Variants in SOBP observed in about 807,000 individuals in gnomAD.
The protein encoded by SOBP is sine oculis-binding protein homolog.
SOBP carries 4 observed loss-of-function variants against 53.6 expected under a neutral mutation model. The ratio of observed to expected loss-of-function variants is 0.07; its 90% CI spans 0.04 to 0.17. The LOEUF is 0.17. SOBP is among the 10% of genes least tolerant of loss of function. The probability of loss-of-function intolerance (pLI) is 1.00; values close to 1 mark genes in which losing one functional copy is unlikely to be tolerated. For missense variants in SOBP, 1,088 were observed against 1,204.7 expected, an observed-to-expected ratio of 0.90 and a Z score of 1.43; for synonymous variants, 584 against 522.6, an observed-to-expected ratio of 1.12 and a Z score of -1.60.
At chr6:107,578,943 A>G (rs1368704415) in intron 4 of SOBP, among the ~76,000 whole-genome samples, 1 of 152,144 alleles carries the variant, frequency 6.6e-6, no homozygotes, top group Admixed American at 6.5e-5. Context: ...AGATCTGCAT[A>G]TAATCATATG....
intron 4 of SOBP, among the ~76,000 whole-genome samples, chr6:107,567,490 G>C (rs1323151274): frequency 5.9e-5 from 9 of 152,300 alleles, no homozygotes; most frequent in African/African-American, 1.9e-4. Flanking sequence ...TAACCAGGCA[G>C]AAAATTCCTT....
intron 5 of SOBP, among the ~76,000 whole-genome samples, chr6:107,589,192 A>G (rs1235675332): frequency 6.6e-6 from 1 of 152,178 alleles, no homozygotes; most frequent in Non-Finnish European, 1.5e-5. Flanking sequence ...ATCTTCTTGC[A>G]TGGATTGCTG....
intron 3 of SOBP, among the ~76,000 whole-genome samples, chr6:107,518,307 A>C (rs898362377): frequency 7.0e-4 from 106 of 152,326 alleles, no homozygotes; most frequent in African/African-American, 2.5e-3. Flanking sequence ...GTAAACACAC[A>C]TGAGAATGGC....
chr6:107,625,058 C>G (rs953362010), intron 5 of SOBP, among the ~76,000 whole-genome samples: 6 of 152,210 alleles, frequency 3.9e-5, no homozygotes, highest in Non-Finnish European at 7.3e-5. Flanking sequence ...TTTAACCTAT[C>G]TAACCCCCAG....
At chr6:107,584,407 G>A (rs1432345821) in intron 4 of SOBP, among the ~76,000 whole-genome samples, 1 of 152,194 alleles carries the variant, frequency 6.6e-6, no homozygotes, top group Non-Finnish European at 1.5e-5. Context: ...GGATTACAGT[G>A]GTGAGAAGTG....
chr6:107,591,701 G>A (rs191834777), intron 5 of SOBP, among the ~76,000 whole-genome samples: 12 of 152,272 alleles, frequency 7.9e-5, no homozygotes, highest in Admixed American at 2.6e-4. Flanking sequence ...CTATCCTATC[G>A]AGTCTGGATT....
intron 5 of SOBP, among the ~76,000 whole-genome samples, chr6:107,593,934 C>G (rs1785849865): frequency 6.6e-6 from 1 of 152,186 alleles, no homozygotes; most frequent in African/African-American, 2.4e-5. Flanking sequence ...CTTTTTATGC[C>G]TAGGGAACTA....
intron 3 of SOBP, among the ~76,000 whole-genome samples, chr6:107,533,250 G>T (rs1583181600): frequency 1.3e-4 from 12 of 94,950 alleles, no homozygotes; most frequent in South Asian, 7.9e-4. Flanking sequence ...TTAAGTAAAT[G>T]TCTTTTGGAA....
At chr6:107,622,123 A>G (rs1452059571) in intron 5 of SOBP, among the ~76,000 whole-genome samples, 3 of 152,230 alleles carry the variant, frequency 2.0e-5, no homozygotes, top group Non-Finnish European at 4.4e-5. Flanking sequence ...AAACATCTGT[A>G]TTTATGCAGC....
At chr6:107,643,205 C>T (rs934350520) in intron 6 of SOBP, among the ~76,000 whole-genome samples, 3 of 152,302 alleles carry the variant, frequency 2.0e-5, no homozygotes, top group African/African-American at 7.2e-5. Flanking sequence ...ACTTTAAAAA[C>T]TGTGCAGCTT....
rs1360392244 is a variant in SOBP at position 107,503,756 on chromosome 6, A to G, written c.196A>G (p.Thr66Ala). Reference protein sequence around the residue: ...GEDIEFRSYPTDGESRQHISV... With the variant: ...GEDIEFRSYPADGESRQHISV... Reference sequence around the variant, plus strand: ...GGATATTGAATTCAGGAGCTACCCTACAGATGGGGAGAGCCGGCAGCACAT... The same window carrying G: ...GGATATTGAATTCAGGAGCTACCCTGCAGATGGGGAGAGCCGGCAGCACAT... Residue 66 changes from threonine (T) to alanine (A), a missense_variant, in exon 2 of 7, where the codon ACA becomes GCA. By Grantham distance (58) the Thr-to-Ala change is moderately conservative. Coordinates refer to ENST00000317357, the MANE Select transcript of SOBP (RefSeq NM_018013.4). 2.8e-5 allele frequency: 45 copies of G among 1,614,074 alleles called. No homozygotes were observed. The highest frequency in any genetic ancestry group is 3.6e-5 in the Non-Finnish European group (43 of 1,180,032).
intron 5 of SOBP, among the ~76,000 whole-genome samples, chr6:107,604,499 G>A (rs1250125144): frequency 1.3e-5 from 2 of 151,996 alleles, no homozygotes; most frequent in African/African-American, 2.4e-5. Flanking sequence ...ATGAAGAGTG[G>A]CTCCTGCCCC....
chr6:107,629,129 A>G (rs1770590624), intron 5 of SOBP, among the ~76,000 whole-genome samples: 1 of 152,090 alleles, frequency 6.6e-6, no homozygotes, highest in African/African-American at 2.4e-5. Flanking sequence ...GCTGTTACCT[A>G]GGAGATACAT....
At chr6:107,513,737 A>G (rs1052717753) in intron 3 of SOBP, among the ~76,000 whole-genome samples, 21 of 151,478 alleles carry the variant, frequency 1.4e-4, no homozygotes, top group East Asian at 9.6e-4. Flanking sequence ...AAAAAAAAAA[A>G]AAAGAAAGAA....
At chr6:107,568,884 C>T (rs1784992326) in intron 4 of SOBP, among the ~76,000 whole-genome samples, 1 of 152,044 alleles carries the variant, frequency 6.6e-6, no homozygotes, top group South Asian at 2.1e-4. Flanking sequence ...CTGATAAAAC[C>T]GGCTTTATTA....
Position 107,635,334 on chromosome 6 carries a change from T to C in SOBP, c.2490T>C (p.Pro830=), listed in dbSNP as rs1583297618. The change falls in exon 6 of 7, where the codon CCT becomes CCC. Residue 830 remains proline (P), a synonymous_variant. Coordinates refer to ENST00000317357, the MANE Select transcript of SOBP (RefSeq NM_018013.4). The surrounding 1 kb of genome is among the most constrained non-coding windows in gnomAD (Gnocchi z 4.5). ...MLPKTGCVIQ[P]VPKPAEKAAM... is the part of the protein sequence containing the mutation. ...CCAAGACCGGCTGCGTGATCCAGCC[T>C]GTGCCAAAACCCGCGGAGAAGGCTG... The C allele has an allele frequency of 6.2e-7, 1 of 1,613,674 alleles. No homozygotes were observed. The highest frequency in any genetic ancestry group is 1.1e-5 in the South Asian group (1 of 91,084).
At chr6:107,627,424 C>T (rs934094577) in intron 5 of SOBP, among the ~76,000 whole-genome samples, 2 of 152,182 alleles carry the variant, frequency 1.3e-5, no homozygotes, top group East Asian at 1.9e-4. Context: ...AGGATCTGCT[C>T]CTGTGACCTG....
chr6:107,649,212 G>A (rs2115172458), intron 6 of SOBP, among the ~76,000 whole-genome samples: 1 of 139,618 alleles, frequency 7.2e-6, no homozygotes, highest in Admixed American at 7.5e-5. Context: ...CATGGCTCAT[G>A]CCTGTAATCC....
intron 3 of SOBP, chr6:107,529,320 C>A: frequency 3.3e-6 from 1 of 300,154 alleles, no homozygotes; most frequent in Non-Finnish European, 4.9e-6. Context: ...AGTAGATTGA[C>A]ACAGTGCAGC....
Sources: allele counts gnomAD v4.1 joint callset (sites outside exome capture counted in the v4.1 genomes callset), GRCh38; gene constraint gnomAD v4.1.1; non-coding constraint Gnocchi (gnomAD v3.1); transcripts MANE v1.5; gene names NCBI Gene and HGNC (gene_info 2026-07-23, HGNC 2026-07-21).